Variants in RNF43 observed in about 807,000 individuals in gnomAD.
RNF43 encodes ring finger protein 43.
A neutral mutation model predicts 78.4 loss-of-function variants in RNF43; 37 were observed. The ratio of observed to expected loss-of-function variants is 0.47; its 90% confidence interval spans 0.36 to 0.62. RNF43 has a LOEUF of 0.62. RNF43 is among the 20% of genes least tolerant of loss of function. The pLI is 0.00. For missense variants in RNF43, 774 were observed against 1,007.9 expected, an observed-to-expected ratio of 0.77 and a Z score of 3.14; for synonymous variants, 347 against 395.0, an observed-to-expected ratio of 0.88 and a Z score of 1.44.
At position 58,357,678 on chromosome 17, in the gene RNF43, TC is replaced by T. The variant is rs751703673; in HGVS notation, c.2097del (p.Ile700SerfsTer30). The T allele has an allele frequency of 6.2e-7, 1 of 1,612,598 alleles. No homozygotes were observed. Among genetic ancestry groups the T allele is most frequent in the Non-Finnish European group, 8.5e-7 (1 of 1,179,276 alleles). On this transcript the variant is annotated frameshift_variant, in exon 9 of 10. Coordinates refer to ENST00000407977, the MANE Select transcript of RNF43 (RefSeq NM_017763.6). LOFTEE classifies it high-confidence loss of function. This position sits in a 1 kb window ranked among gnomAD's most constrained non-coding sequence, Gnocchi z 4.5. Reference sequence around the variant, plus strand: ...TTGTCCAGGCCTGGAGGTCCACAGATCAAGGGGTGTGCCTCTGGGGACCAAG... The same window carrying T: ...TTGTCCAGGCCTGGAGGTCCACAGATAAGGGGTGTGCCTCTGGGGACCAAG... The part of the protein sequence containing the change: ...AYPWSPEAHP[L>X]ICGPPGLDKR...
Position 58,360,316 on chromosome 17 carries a change from A to G in RNF43, c.850-65T>C. 1 of 1,159,910 alleles carries G rather than the reference A, an allele frequency of 8.6e-7. No homozygotes were observed. The highest frequency in any genetic ancestry group is 1.2e-5 in the South Asian group (1 of 81,270). 71.9% of individuals were successfully genotyped at this position (1,159,910 alleles called of 1,614,324 possible). On this transcript the variant is annotated intron_variant, in intron 7 of 9. Transcript: ENST00000407977. This position sits in a 1 kb window ranked among gnomAD's most constrained non-coding sequence, Gnocchi z 4.3. The stretch of plus-strand genomic sequence containing the variant: ...GCCATAGGAATTGCCAGGAATCAGG[A>G]CATCCCCCAACTCCCTTAGGCCTCT...
At chr17:58,410,303 CA>C (rs1418736363) in intron 2 of RNF43, among the ~76,000 whole-genome samples, 5 of 152,072 alleles carry the variant, frequency 3.3e-5, no homozygotes, top group Non-Finnish European at 7.4e-5. Context: ...ACAACAAGGC[CA>C]AGTCTAGAAT....
intron 2 of RNF43, among the ~76,000 whole-genome samples, chr17:58,384,676 A>C (rs929047532): frequency 6.6e-6 from 1 of 152,200 alleles, no homozygotes; most frequent in East Asian, 1.9e-4. Flanking sequence ...TCAGGTACTA[A>C]ATCTAATGAA....
chr17:58,401,983 T>A (rs1973809972), intron 2 of RNF43, among the ~76,000 whole-genome samples: 1 of 152,376 alleles, frequency 6.6e-6, no homozygotes, highest in Admixed American at 6.5e-5. Flanking sequence ...TTTTTGAGAA[T>A]GGTCAGTTGA....
rs1230901623 is a variant in RNF43, at chr17:58,363,309, T to C, written c.548A>G (p.His183Arg). The C allele has an allele frequency of 8.1e-6, 13 of 1,614,122 alleles. No homozygotes were observed. Among genetic ancestry groups the C allele is most frequent in the Middle Eastern group, 1.6e-4 (1 of 6,062 alleles). Residue 183 changes from histidine (H) to arginine (R), a missense_variant, in exon 5 of 10, where the codon CAT becomes CGT. Physicochemically the swap from His to Arg is conservative, Grantham distance 29 (BLOSUM62 0). Coordinates refer to ENST00000407977, the MANE Select transcript of RNF43 (RefSeq NM_017763.6). ...MEFVYKNQKAHVRIELKEPPA... is the reference protein window; with the variant it reads ...MEFVYKNQKARVRIELKEPPA... Reference sequence around the variant, plus strand: ...GGGCTCCTTCAGCTCAATCCTCACATGGGCCTTTTGGTTCTTGTACACAAA... The same window carrying C: ...GGGCTCCTTCAGCTCAATCCTCACACGGGCCTTTTGGTTCTTGTACACAAA...
chr17:58,356,834 T>G, intron 9 of RNF43: 1 of 240,994 alleles, frequency 4.1e-6, no homozygotes, highest in Non-Finnish European at 8.1e-6. Context: ...GTTATTAAAA[T>G]TTAGAAACAC....
intron 2 of RNF43, among the ~76,000 whole-genome samples, chr17:58,392,209 A>T (rs1345424728): frequency 6.6e-6 from 1 of 152,248 alleles, no homozygotes; most frequent in Non-Finnish European, 1.5e-5. Context: ...AACTTCAAAA[A>T]TAATAGTGGA....
chr17:58,401,990 T>C (rs1973810237), intron 2 of RNF43, among the ~76,000 whole-genome samples: 2 of 152,200 alleles, frequency 1.3e-5, no homozygotes, highest in Admixed American at 6.5e-5. Context: ...GAATGGTCAG[T>C]TGATGATTCC....
intron 2 of RNF43, among the ~76,000 whole-genome samples, chr17:58,399,958 A>C (rs1973761000): frequency 6.6e-6 from 1 of 152,126 alleles, no homozygotes; most frequent in Non-Finnish European, 1.5e-5. Flanking sequence ...CAATTTAAAA[A>C]AATACTCTAA....
chr17:58,400,796 T>C (rs1274337772), intron 2 of RNF43, among the ~76,000 whole-genome samples: 7 of 152,188 alleles, frequency 4.6e-5, no homozygotes, highest in Non-Finnish European at 7.3e-5. Flanking sequence ...CTTAATTATT[T>C]GATTGGTGAT....
intron 2 of RNF43, among the ~76,000 whole-genome samples, chr17:58,414,837 A>C (rs1974092116): frequency 1.3e-5 from 2 of 152,216 alleles, no homozygotes; most frequent in African/African-American, 4.8e-5. Context: ...GTGTAAGGCC[A>C]GCCATAGCAT....
At chr17:58,374,872 A>G (rs1294745914) in intron 2 of RNF43, among the ~76,000 whole-genome samples, 1 of 152,066 alleles carries the variant, frequency 6.6e-6, no homozygotes, top group Admixed American at 6.6e-5. Context: ...CAAACTCAGC[A>G]TGCTCAAGAC....
intron 2 of RNF43, among the ~76,000 whole-genome samples, chr17:58,386,676 G>A (rs139435276): frequency 4.7e-4 from 71 of 152,234 alleles, no homozygotes; most frequent in African/African-American, 1.6e-3. Context: ...TCTGTTCTGT[G>A]ACTTATTAAA....
rs184041782 is a variant in RNF43, at chr17:58,391,137, G to A, written c.253-20104C>T. 1.6e-4 allele frequency among the ~76,000 whole-genome samples: 25 copies of A among 152,332 alleles called. No individual in the cohort carries two copies. The East Asian group carries it at 4.2e-3, about 26-fold the overall frequency. ...ATACTGAGTAATTGTGAAGCCAACC[G>A]GAGATATGGAGTACACTGAGGACCA... On this transcript the variant is annotated intron_variant, in intron 2 of 9. Coordinates refer to ENST00000407977, the MANE Select transcript of RNF43 (RefSeq NM_017763.6).
In RNF43 at chr17:58,363,358, T is replaced by C. The variant is rs1972881180; in HGVS notation, c.499A>G (p.Asn167Asp). ...LTWPVVLIWG[N>D]DAEKLMEFVY... is the part of the protein sequence containing the mutation. ...AACTCCATCAGCTTCTCAGCGTCATTACCCCAGATCAACACCACTGGCCAG... is the reference window on the plus strand; with the variant it reads ...AACTCCATCAGCTTCTCAGCGTCATCACCCCAGATCAACACCACTGGCCAG... Residue 167 changes from asparagine to aspartate, a missense_variant, in exon 5 of 10, where the codon AAT becomes GAT. Coordinates refer to ENST00000407977, the MANE Select transcript of RNF43 (RefSeq NM_017763.6). 3.7e-6 allele frequency: 6 copies of C among 1,613,370 alleles called. No homozygotes were observed. The highest frequency in any genetic ancestry group is 5.1e-6 in the Non-Finnish European group (6 of 1,179,802).
chr17:58,365,259 G>A (rs1972926326), intron 3 of RNF43, among the ~76,000 whole-genome samples: 1 of 152,124 alleles, frequency 6.6e-6, no homozygotes, highest in Non-Finnish European at 1.5e-5. Flanking sequence ...TCCCTGGTAG[G>A]GAACCCTACT....
chr17:58,361,072 C>T (rs12150325), intron 6 of RNF43, 128 bp from the exon 7 acceptor site: 31,443 of 978,448 alleles, frequency 0.032, 667 homozygotes, highest in Non-Finnish European at 0.038. Flanking sequence ...CTTAGGAGTT[C>T]GTCTCCTCGG....
intron 2 of RNF43, among the ~76,000 whole-genome samples, chr17:58,371,411 T>C (rs1307090657): frequency 6.6e-6 from 1 of 152,190 alleles, no homozygotes; most frequent in Non-Finnish European, 1.5e-5. Flanking sequence ...TTCTACCTGC[T>C]CCCCAAGCCC....
rs2143427665 is a variant in RNF43 at position 58,358,782 on chromosome 17, A to G, written c.994T>C (p.Tyr332His). The G allele has an allele frequency of 1.3e-6, 2 of 1,555,866 alleles. No homozygotes were observed. Among genetic ancestry groups the G allele is most frequent in the Non-Finnish European group, 1.7e-6 (2 of 1,148,672 alleles). The change falls in exon 9 of 10, where the codon TAC becomes CAC. Residue 332 changes from tyrosine to histidine, a missense_variant. By Grantham distance (83) the Tyr-to-His change is moderately conservative. Transcript: ENST00000407977. This position sits in a 1 kb window ranked among gnomAD's most constrained non-coding sequence, Gnocchi z 6.2. ...TGGAGTCTTCGACCTGGTTCTTGGT[A>G]AGATCGAGAGGGTCCCAGGGACTGG... ...FSQSLGPSRSYQEPGRRLHLI... is the reference protein window; with the variant it reads ...FSQSLGPSRSHQEPGRRLHLI...
Sources: gnomAD v4.1 joint callset for allele counts (sites outside exome capture counted in the v4.1 genomes callset) on GRCh38, gnomAD v4.1.1 for gene constraint, Gnocchi (gnomAD v3.1) non-coding constraint, MANE v1.5 for transcripts, NCBI Gene and HGNC (gene_info 2026-07-23, HGNC 2026-07-21) for gene names.